The following MCF2L2 variants were observed in gnomAD, a reference collection of about 807,000 sequenced individuals.
MCF2L2 encodes probable guanine nucleotide exchange factor MCF2L2.
Under a neutral mutation model 150.2 loss-of-function variants are expected in MCF2L2, and 102 were observed. That is an observed-to-expected ratio of 0.68 (90% CI 0.58 to 0.80). MCF2L2 has a LOEUF of 0.80. Among genes scored for constraint, MCF2L2 ranks in the 30% least tolerant of loss-of-function variants. The pLI, the probability that MCF2L2 is intolerant of heterozygous loss-of-function variation, is 0.00. For missense variants in MCF2L2, 1,256 were observed against 1,372.8 expected (o/e 0.91, Z 1.34); for synonymous variants, 465 against 491.3 (o/e 0.95, Z 0.71).
At chr3:183,354,505 A>T (rs1711646542) in intron 3 of MCF2L2, among the ~76,000 whole-genome samples, 1 of 149,708 alleles carries the variant, frequency 6.7e-6, no homozygotes, top group African/African-American at 2.5e-5. Flanking sequence ...ACTTATCTTA[A>T]CCCCCAGCAT....
intron 15 of MCF2L2, among the ~76,000 whole-genome samples, chr3:183,259,552 G>T (rs889435743): frequency 5.3e-5 from 8 of 152,132 alleles, no homozygotes; most frequent in Non-Finnish European, 1.2e-4. Flanking sequence ...CATGAAAACG[G>T]TTTTGATACA....
intron 1 of MCF2L2, among the ~76,000 whole-genome samples, chr3:183,417,853 T>A (rs1305900567): frequency 6.6e-6 from 1 of 152,124 alleles, no homozygotes; most frequent in African/African-American, 2.4e-5. Context: ...AAGCATATGT[T>A]TACAGGGTGG....
In MCF2L2 at chr3:183,413,638, A is replaced by C. The variant is rs548276772; in HGVS notation, c.76+14264T>G. ...CCTGCACCCCCAACTCAGCTCCCTG[A>C]CCCTGACCCAGTTCCTCGCCCTGTA... On this transcript the variant is annotated intron_variant, in intron 1 of 29. Coordinates refer to ENST00000328913, the MANE Select transcript of MCF2L2 (RefSeq NM_015078.4). 2.0e-5 allele frequency among the ~76,000 whole-genome samples: 3 copies of C among 152,264 alleles called. No individual in the cohort carries two copies. In the South Asian group the frequency reaches 6.2e-4, roughly 32 times the overall value.
At chr3:183,307,764 A>G (rs929181460) in intron 10 of MCF2L2, among the ~76,000 whole-genome samples, 1 of 152,228 alleles carries the variant, frequency 6.6e-6, no homozygotes, top group Non-Finnish European at 1.5e-5. Flanking sequence ...TTTCTGTTCC[A>G]CTGAGAATAA....
intron 15 of MCF2L2, among the ~76,000 whole-genome samples, chr3:183,246,651 G>C (rs1724268289): frequency 6.6e-6 from 1 of 152,150 alleles, no homozygotes; most frequent in African/African-American, 2.4e-5. Context: ...TATGAACACT[G>C]ATGTGCAAGT....
At chr3:183,287,805 C>A (rs1420788001) in intron 14 of MCF2L2, 2 of 152,182 alleles carry the variant, frequency 1.3e-5, no homozygotes, top group African/African-American at 4.8e-5. Flanking sequence ...AACCCTCGTT[C>A]CCACTCTGTT....
intron 2 of MCF2L2, among the ~76,000 whole-genome samples, chr3:183,380,754 T>C (rs1713476635): frequency 6.6e-6 from 1 of 152,156 alleles, no homozygotes; most frequent in Non-Finnish European, 1.5e-5. Flanking sequence ...GCAGATGGTG[T>C]TGCATCTTTA....
In MCF2L2 at chr3:183,179,077, G is replaced by C. The variant is rs559168812; in HGVS notation, c.*303C>G. On this transcript the variant is annotated 3_prime_UTR_variant, in exon 30 of 30. Transcript: ENST00000328913. The surrounding 1 kb of genome is among the most constrained non-coding windows in gnomAD (Gnocchi z 4.2). ...CATCCTACCGTGGGAGCACAGAGAA[G>C]CCCACGCAGCAAAGAATTGCCCGGC... 1.1e-4 allele frequency: 34 copies of C among 323,496 alleles called. No individual in the cohort carries two copies. Among genetic ancestry groups the C allele is most frequent in the African/African-American group, 6.4e-4 (30 of 46,970 alleles). The allele number at this position is 323,496 out of a possible 1,614,324, so 20.0% of individuals were successfully genotyped here. A position where few individuals can be genotyped will look rare whatever the true frequency, so the allele number is the denominator to read the frequency against.
chr3:183,416,569 G>T (rs923080627), intron 1 of MCF2L2, among the ~76,000 whole-genome samples: 1 of 152,060 alleles, frequency 6.6e-6, no homozygotes, highest in East Asian at 1.9e-4. Flanking sequence ...ACTTAATGCT[G>T]GCAACACAGC....
Position 183,195,253 on chromosome 3 carries a change from G to T in MCF2L2, c.2887C>A (p.Gln963Lys), listed in dbSNP as rs772537138. ...CTCATTTCAAACTGTGGATTTCCTTGGTCTAAAATTTTAAAAAACAAAAAA... is the reference window on the plus strand; with the variant it reads ...CTCATTTCAAACTGTGGATTTCCTTTGTCTAAAATTTTAAAAAACAAAAAA... Reference protein sequence around the residue: ...LMEQQNNIKDQGNPQFEMSTS... With the variant: ...LMEQQNNIKDKGNPQFEMSTS... Residue 963 changes from glutamine (Q) to lysine (K), a missense_variant and splice_region_variant, in exon 26 of 30, where the codon CAA (glutamine) becomes AAA (lysine). Transcript: ENST00000328913. 3.4e-5 allele frequency: 55 copies of T among 1,600,442 alleles called. No individual in the cohort carries two copies. The Middle Eastern group carries it at 1.3e-3, about 39-fold the overall frequency.
intron 3 of MCF2L2, among the ~76,000 whole-genome samples, chr3:183,370,864 C>T (rs1480406126): frequency 6.6e-6 from 1 of 152,184 alleles, no homozygotes; most frequent in Admixed American, 6.5e-5. Context: ...CAGTTGGGTG[C>T]CCAAAATCTA....
At chr3:183,240,519 C>T (rs557037116) in intron 15 of MCF2L2, among the ~76,000 whole-genome samples, 83 of 152,288 alleles carry the variant, frequency 5.5e-4, no homozygotes, top group African/African-American at 1.9e-3. Context: ...CGCCTAGTCC[C>T]CCAAAGCTCC....
chr3:183,212,130 G>A (rs1237717156), intron 22 of MCF2L2, among the ~76,000 whole-genome samples: 1 of 152,170 alleles, frequency 6.6e-6, no homozygotes, highest in Non-Finnish European at 1.5e-5. Flanking sequence ...AAGAATTGCC[G>A]GCAGTCACCA....
chr3:183,244,653 G>A (rs1042201703), intron 15 of MCF2L2, among the ~76,000 whole-genome samples: 3 of 152,154 alleles, frequency 2.0e-5, no homozygotes, highest in African/African-American at 7.2e-5. Flanking sequence ...TTTTACAGAT[G>A]TAAAAACAGA....
intron 10 of MCF2L2, among the ~76,000 whole-genome samples, chr3:183,300,822 G>A (rs377184369): frequency 1.3e-5 from 2 of 151,914 alleles, no homozygotes; most frequent in Admixed American, 6.6e-5. Context: ...TTCAAGACGC[G>A]CCTGACCAAC....
chr3:183,238,038 T>C (rs1039862384), intron 15 of MCF2L2, among the ~76,000 whole-genome samples: 6 of 146,778 alleles, frequency 4.1e-5, no homozygotes, highest in African/African-American at 1.5e-4. Flanking sequence ...TCCTGAGTTC[T>C]AGTTTGATTG....
chr3:183,367,261 T>C (rs1243602512), intron 3 of MCF2L2, among the ~76,000 whole-genome samples: 4 of 151,896 alleles, frequency 2.6e-5, no homozygotes, highest in African/African-American at 9.7e-5. Context: ...GTTTCTTTCT[T>C]GTTGCCCAGG....
chr3:183,397,108 G>A (rs984674963), intron 1 of MCF2L2, among the ~76,000 whole-genome samples: 1 of 152,208 alleles, frequency 6.6e-6, no homozygotes, highest in Non-Finnish European at 1.5e-5. Flanking sequence ...ACTGAAAACA[G>A]ACAATTCATA....
chr3:183,414,065 G>T lies in MCF2L2; in HGVS notation c.76+13837C>A, dbSNP rs530505593. Among the ~76,000 whole-genome samples, 15 of 152,160 alleles carry T rather than the reference G, an allele frequency of 9.9e-5. No homozygotes were observed. The South Asian group carries it at 2.3e-3, about 23-fold the overall frequency. On this transcript the variant is annotated intron_variant, in intron 1 of 29. Coordinates refer to ENST00000328913, the MANE Select transcript of MCF2L2 (RefSeq NM_015078.4). Reference sequence around the variant, plus strand: ...TCCTGTTGCATTTTTCTCTAGTTTTGGTATTAGGGTGATACTGACTTCATA... The same window carrying T: ...TCCTGTTGCATTTTTCTCTAGTTTTTGTATTAGGGTGATACTGACTTCATA...
Sources: allele counts gnomAD v4.1 joint callset (sites outside exome capture counted in the v4.1 genomes callset), GRCh38; gene constraint gnomAD v4.1.1; non-coding constraint Gnocchi (gnomAD v3.1); transcripts MANE v1.5; gene names NCBI Gene and HGNC (gene_info 2026-07-23, HGNC 2026-07-21).